CCDC3: variants seen among roughly 807,000 people sequenced by gnomAD.
The protein encoded by CCDC3 is coiled-coil domain containing 3, also known as coiled-coil domain-containing protein 3.
In CCDC3, 24 loss-of-function variants were observed where a neutral mutation model predicts 21.4. The ratio of observed to expected loss-of-function variants is 1.12; its 90% CI spans 0.81 to 1.58. The LOEUF (loss-of-function observed/expected upper bound fraction) is 1.58, where lower values mean the gene tolerates loss of function less well. Ranked by LOEUF, CCDC3 falls within the 40% of genes most tolerant of loss-of-function variation. The pLI is 0.00. For synonymous variants in CCDC3, 186 were observed against 166.0 expected (o/e 1.12, Z -0.93); for missense variants, 425 against 360.9 (o/e 1.18, Z -1.44).
At chr10:12,944,395 A>G (rs1834881968) in intron 2 of CCDC3, among the ~76,000 whole-genome samples, 1 of 152,198 alleles carries the variant, frequency 6.6e-6, no homozygotes, top group African/African-American at 2.4e-5. Flanking sequence ...CTTCAGGCAG[A>G]GCTTAACTCT....
At chr10:13,031,718 C>T (rs951654596) in intron 5 of CCDC3, among the ~76,000 whole-genome samples, 1 of 152,088 alleles carries the variant, frequency 6.6e-6, no homozygotes, top group African/African-American at 2.4e-5. Flanking sequence ...AACACCTCTA[C>T]ACAAATAAAC....
chr10:13,003,071 T>G (rs1835878788), upstream of CCDC3, among the ~76,000 whole-genome samples: 1 of 152,046 alleles, frequency 6.6e-6, no homozygotes, highest in African/African-American at 2.4e-5. Context: ...AATTTGGAGG[T>G]GGGAGGGGAG....
chr10:13,011,898 C>A (rs1398908688), intron 5 of CCDC3, among the ~76,000 whole-genome samples: 1 of 152,086 alleles, frequency 6.6e-6, no homozygotes, highest in East Asian at 1.9e-4. Flanking sequence ...AAGGCACACA[C>A]CTACAACCAT....
intron 2 of CCDC3, among the ~76,000 whole-genome samples, chr10:12,979,553 T>C (rs956854410): frequency 6.6e-6 from 1 of 152,014 alleles, no homozygotes; most frequent in African/African-American, 2.4e-5. Context: ...TTTATATTTT[T>C]AGTAGAGACA....
chr10:12,996,100 A>G (rs1175818238), intron 2 of CCDC3, among the ~76,000 whole-genome samples: 2 of 152,238 alleles, frequency 1.3e-5, no homozygotes, highest in Non-Finnish European at 2.9e-5. Flanking sequence ...CGCTTGGAAG[A>G]AATTAAGTAT....
intron 4 of CCDC3, among the ~76,000 whole-genome samples, chr10:13,055,756 CA>C (rs1462629974): frequency 6.6e-6 from 1 of 152,210 alleles, no homozygotes; most frequent in Non-Finnish European, 1.5e-5. Flanking sequence ...AAATGCTTGG[CA>C]AATTCCTGGT....
intron 2 of CCDC3, among the ~76,000 whole-genome samples, chr10:12,958,916 G>C (rs1835135800): frequency 6.6e-6 from 1 of 152,192 alleles, no homozygotes; most frequent in African/African-American, 2.4e-5. Context: ...CCAGGGGAGA[G>C]ACGCAGTTCT....
chr10:13,055,540 G>C (rs528709684), intron 4 of CCDC3, among the ~76,000 whole-genome samples: 61 of 152,126 alleles, frequency 4.0e-4, no homozygotes, highest in African/African-American at 1.4e-3. Context: ...GCCTAGGCTG[G>C]TCTCAAATTG....
intron 2 of CCDC3, among the ~76,000 whole-genome samples, chr10:12,917,650 T>C (rs989628341): frequency 1.3e-5 from 2 of 152,240 alleles, no homozygotes; most frequent in Non-Finnish European, 2.9e-5. Context: ...GTCATCTTGC[T>C]GACATCCTAT....
chr10:12,964,391 A>G (rs1167118458), intron 2 of CCDC3, among the ~76,000 whole-genome samples: 1 of 150,598 alleles, frequency 6.6e-6, no homozygotes, highest in Non-Finnish European at 1.5e-5. Flanking sequence ...AAAAAAAGAG[A>G]GAGAATGACA....
intron 2 of CCDC3, among the ~76,000 whole-genome samples, chr10:12,983,127 AGT>A (rs1491128694): frequency 0.054 from 2,542 of 46,868 alleles, 169 homozygotes; most frequent in South Asian, 0.071. Flanking sequence ...TAAATAAAAT[AGT>A]GTATATATAT....
intron 2 of CCDC3, among the ~76,000 whole-genome samples, chr10:12,984,350 A>G (rs1835554660): frequency 6.6e-6 from 1 of 152,216 alleles, no homozygotes; most frequent in Non-Finnish European, 1.5e-5. Context: ...CAAAACCACA[A>G]TGTGATACCA....
At chr10:13,082,504 T>C (rs1263427425) in intron 3 of CCDC3, among the ~76,000 whole-genome samples, 12 of 152,184 alleles carry the variant, frequency 7.9e-5, no homozygotes, top group Non-Finnish European at 1.5e-4. Flanking sequence ...GGCCTCTGGA[T>C]GGCTGCGGGC....
chr10:12,932,793 T>C (rs1834668629), intron 2 of CCDC3, among the ~76,000 whole-genome samples: 1 of 152,244 alleles, frequency 6.6e-6, no homozygotes, highest in Admixed American at 6.5e-5. Flanking sequence ...ATGTTAGCTT[T>C]AGTTTTTTTG....
chr10:13,024,425 A>G (rs1361403270), intron 5 of CCDC3, among the ~76,000 whole-genome samples: 1 of 152,128 alleles, frequency 6.6e-6, no homozygotes, highest in Non-Finnish European at 1.5e-5. Context: ...GATTCTTAGT[A>G]TATTTTGCCT....
chr10:13,096,636 A>G (rs1430779048), intron 3 of CCDC3, among the ~76,000 whole-genome samples: 1 of 152,172 alleles, frequency 6.6e-6, no homozygotes. Context: ...CAGCCCAGCA[A>G]CATTGCCACT....
chr10:13,054,254 A>G (rs971818072), intron 4 of CCDC3, among the ~76,000 whole-genome samples: 2 of 151,728 alleles, frequency 1.3e-5, no homozygotes, highest in South Asian at 4.2e-4. Context: ...CATTCCCTCC[A>G]ATCACCTCAT....
intron 2 of CCDC3, among the ~76,000 whole-genome samples, chr10:12,964,907 T>C (rs1365647367): frequency 1.3e-5 from 2 of 152,214 alleles, no homozygotes; most frequent in African/African-American, 2.4e-5. Context: ...AAGACTACTT[T>C]GAGCTGGAGG....
At chr10:13,057,999 T>C in intron 4 of CCDC3, 2 of 697,948 alleles carry the variant, frequency 2.9e-6, no homozygotes, top group East Asian at 2.6e-5. Flanking sequence ...TTGTTCTTTA[T>C]ATATTGAAAG....
Sources: gnomAD v4.1 joint callset for allele counts (sites outside exome capture counted in the v4.1 genomes callset) on GRCh38, gnomAD v4.1.1 for gene constraint, MANE v1.5 for transcripts, NCBI Gene and HGNC (gene_info 2026-07-23, HGNC 2026-07-21) for gene names.